Variants in EPHB1 observed in about 807,000 individuals in gnomAD.
EPHB1 encodes the protein EPH receptor B1, also known as ephrin type-B receptor 1.
Under a neutral mutation model 94.4 loss-of-function variants are expected in EPHB1, and 30 were observed. The ratio of observed to expected loss-of-function variants is 0.32; its 90% CI spans 0.24 to 0.43. EPHB1 has a LOEUF of 0.43. Among genes scored for constraint, EPHB1 ranks in the 20% least tolerant of loss-of-function variants. The pLI is 1.00. For missense variants in EPHB1, 1,055 were observed against 1,308.3 expected, an observed-to-expected ratio of 0.81 and a Z score of 2.99; for synonymous variants, 522 against 489.1, an observed-to-expected ratio of 1.07 and a Z score of -0.89.
intron 5 of EPHB1, among the ~76,000 whole-genome samples, chr3:135,148,011 T>G (rs1941070158): frequency 6.6e-6 from 1 of 152,204 alleles, no homozygotes; most frequent in Non-Finnish European, 1.5e-5. Flanking sequence ...TACGTTAATT[T>G]TAACACAGTA....
intron 4 of EPHB1, among the ~76,000 whole-genome samples, chr3:135,107,895 A>G (rs9872821): frequency 0.23 from 34,803 of 152,130 alleles, 5,572 homozygotes; most frequent in East Asian, 0.76. Context: ...TCTGCTGACC[A>G]GAAGTCCTGT....
intron 3 of EPHB1, among the ~76,000 whole-genome samples, chr3:134,958,076 C>T (rs371393392): frequency 2.9e-4 from 44 of 152,232 alleles, no homozygotes; most frequent in African/African-American, 9.9e-4. Context: ...TTCATTCCTC[C>T]GCCCTCTCCA....
At chr3:134,987,036 T>G (rs972684400) in intron 3 of EPHB1, among the ~76,000 whole-genome samples, 1 of 152,124 alleles carries the variant, frequency 6.6e-6, no homozygotes. Flanking sequence ...CTTTCTTACC[T>G]TACACAACCC....
chr3:135,115,445 C>A (rs942016907), intron 4 of EPHB1, among the ~76,000 whole-genome samples: 3 of 152,188 alleles, frequency 2.0e-5, no homozygotes, highest in Admixed American at 2.0e-4. Context: ...CAGCCTCTCA[C>A]CTCCTCCCCC....
At chr3:134,950,213 A>G (rs1367245767) in intron 2 of EPHB1, among the ~76,000 whole-genome samples, 2 of 152,226 alleles carry the variant, frequency 1.3e-5, no homozygotes, top group African/African-American at 2.4e-5. Flanking sequence ...CAGGACTGCT[A>G]TAAATGGGAG....
intron 1 of EPHB1, among the ~76,000 whole-genome samples, chr3:134,897,840 T>C (rs138649818): frequency 7.0e-4 from 106 of 152,266 alleles, no homozygotes; most frequent in African/African-American, 2.4e-3. Context: ...GAGAAACATC[T>C]TTCTGCTCTG....
intron 12 of EPHB1, among the ~76,000 whole-genome samples, chr3:135,239,784 G>A (rs895425504): frequency 1.3e-5 from 2 of 152,158 alleles, no homozygotes; most frequent in Non-Finnish European, 2.9e-5. Context: ...GTATGTCCCA[G>A]CCTCTCTCTT....
At chr3:135,137,698 A>G (rs1443538539) in intron 5 of EPHB1, among the ~76,000 whole-genome samples, 4 of 152,178 alleles carry the variant, frequency 2.6e-5, no homozygotes, top group Non-Finnish European at 5.9e-5. Flanking sequence ...TACTATAGGG[A>G]CAAGCAAATG....
At chr3:135,066,741 T>A in intron 3 of EPHB1, among the ~76,000 whole-genome samples, 1 of 152,114 alleles carries the variant, frequency 6.6e-6, no homozygotes, top group South Asian at 2.1e-4. Context: ...TGAGCTAGTG[T>A]GATTTTTTCT....
At chr3:135,212,682 G>C (rs1252813486) in intron 12 of EPHB1, among the ~76,000 whole-genome samples, 2 of 152,050 alleles carry the variant, frequency 1.3e-5, no homozygotes, top group Admixed American at 6.5e-5. Context: ...TCGTTCCCTT[G>C]GTTCCTCCAG....
chr3:135,124,044 G>A (rs1186852504), intron 4 of EPHB1, among the ~76,000 whole-genome samples: 1 of 151,654 alleles, frequency 6.6e-6, no homozygotes, highest in African/African-American at 2.4e-5. Context: ...GGACTTATGA[G>A]TCTGCCTCCC....
chr3:134,938,814 C>A (rs2039060768), intron 2 of EPHB1, among the ~76,000 whole-genome samples: 1 of 152,092 alleles, frequency 6.6e-6, no homozygotes, highest in African/African-American at 2.4e-5. Context: ...TAGGTACTAT[C>A]CCTGTATTGC....
intron 3 of EPHB1, among the ~76,000 whole-genome samples, chr3:134,989,621 G>A (rs898207918): frequency 1.3e-5 from 2 of 152,078 alleles, no homozygotes; most frequent in Non-Finnish European, 2.9e-5. Context: ...ACTGTAACTA[G>A]AAAGATGGAT....
intron 12 of EPHB1, among the ~76,000 whole-genome samples, chr3:135,202,721 A>G (rs1942790775): frequency 6.6e-6 from 1 of 152,252 alleles, no homozygotes. Context: ...TCAGGAAACA[A>G]CAGATGCTGG....
At chr3:134,960,657 G>A (rs1346643005) in intron 3 of EPHB1, among the ~76,000 whole-genome samples, 1 of 152,174 alleles carries the variant, frequency 6.6e-6, no homozygotes, top group Non-Finnish European at 1.5e-5. Context: ...TATGACCAGG[G>A]AGGTCAGGAA....
intron 3 of EPHB1, among the ~76,000 whole-genome samples, chr3:135,035,318 C>T (rs1202916557): frequency 1.3e-5 from 2 of 152,192 alleles, no homozygotes; most frequent in Admixed American, 6.5e-5. Context: ...CACCTTCAGC[C>T]TTTTTCCACT....
chr3:134,833,360 G>C (rs866125004), intron 1 of EPHB1, among the ~76,000 whole-genome samples: 16 of 152,206 alleles, frequency 1.1e-4, no homozygotes, highest in Admixed American at 3.9e-4. Context: ...TTGTCATTAG[G>C]ACTGTGAGTG....
At chr3:135,100,542 C>T (rs1938998320) in intron 3 of EPHB1, among the ~76,000 whole-genome samples, 1 of 152,142 alleles carries the variant, frequency 6.6e-6, no homozygotes, top group Non-Finnish European at 1.5e-5. Context: ...TGCTTTGTAA[C>T]CTGATGCTGC....
chr3:134,947,627 C>T (rs1200497278), intron 2 of EPHB1, among the ~76,000 whole-genome samples: 1 of 152,174 alleles, frequency 6.6e-6, no homozygotes, highest in Non-Finnish European at 1.5e-5. Flanking sequence ...CTCAGGGTCA[C>T]CCATTGTGAT....
Sources: allele counts gnomAD v4.1 joint callset (sites outside exome capture counted in the v4.1 genomes callset), GRCh38; gene constraint gnomAD v4.1.1; transcripts MANE v1.5; gene names NCBI Gene and HGNC (gene_info 2026-07-23, HGNC 2026-07-21).